The following OC90 variants were observed in gnomAD, a reference collection of about 807,000 sequenced individuals.
OC90 encodes otoconin-90.
OC90 carries 46 observed loss-of-function variants against 47.3 expected under a neutral mutation model. That is an observed-to-expected ratio of 0.97 (90% CI 0.77 to 1.24). The LOEUF (loss-of-function observed/expected upper bound fraction) is 1.24. Ranked by LOEUF, OC90 falls within the 50% of genes most tolerant of loss-of-function variation. The pLI, the probability that OC90 is intolerant of heterozygous loss-of-function variation, is 0.00. For synonymous variants in OC90, 271 were observed against 219.5 expected (o/e 1.23, Z -2.07); for missense variants, 688 against 583.9 (o/e 1.18, Z -1.84).
intron 1 of OC90, among the ~76,000 whole-genome samples, chr8:132,058,497 C>G (rs1823303982): frequency 2.0e-5 from 3 of 152,166 alleles, no homozygotes; most frequent in Admixed American, 2.0e-4. Flanking sequence ...GGCTGCATAG[C>G]CAGTGTCTGA....
At chr8:132,044,751 A>G (rs1253049517) in intron 3 of OC90, among the ~76,000 whole-genome samples, 2 of 152,230 alleles carry the variant, frequency 1.3e-5, no homozygotes, top group East Asian at 3.8e-4. Flanking sequence ...GACAGGAATT[A>G]TGGGTGAACT....
intron 1 of OC90, among the ~76,000 whole-genome samples, chr8:132,058,413 G>A (rs1163462245): frequency 1.3e-5 from 2 of 152,134 alleles, no homozygotes; most frequent in Admixed American, 6.5e-5. Flanking sequence ...GAAGGCTCCC[G>A]AAGCCTCGCC....
At chr8:132,031,438 G>T (rs1822872922) in intron 12 of OC90, among the ~76,000 whole-genome samples, 1 of 152,204 alleles carries the variant, frequency 6.6e-6, no homozygotes, top group Non-Finnish European at 1.5e-5. Flanking sequence ...GTTGAGAAAA[G>T]TTATACTTAA....
chr8:132,044,473 A>T lies in OC90; in HGVS notation c.129T>A (p.Ser43Arg), dbSNP rs202017436. Residue 43 changes from serine (S) to arginine (R), a missense_variant, in exon 4 of 14, where the codon AGT (serine) becomes AGA (arginine). By Grantham distance (110) the Ser-to-Arg change is moderately radical (BLOSUM62 -1). Coordinates refer to ENST00000254627, the MANE Select transcript of OC90 (RefSeq NM_001080399.3). ...CACTTTCCACATTTTTAAACATCCC[A>T]CTGAAGAAAGTGATATCTAAGTGTA... is the stretch of plus-strand genomic sequence containing the variant. ...LPNNINITFFSGMFKNVESVA... is the reference protein window; with the variant it reads ...LPNNINITFFRGMFKNVESVA... The T allele has an allele frequency of 9.0e-6, 14 of 1,556,460 alleles. No individual in the cohort carries two copies. The East Asian group carries it at 2.8e-4, about 31-fold the overall frequency.
In OC90 at chr8:132,038,929, T is replaced by C. The variant is rs1433278454; in HGVS notation, c.586+66A>G. 11 of 1,612,004 alleles carry C rather than the reference T, an allele frequency of 6.8e-6. No individual in the cohort carries two copies. The East Asian group carries it at 8.9e-5, about 13-fold the overall frequency. On this transcript the variant is annotated intron_variant, in intron 7 of 13. Coordinates refer to ENST00000254627, the MANE Select transcript of OC90 (RefSeq NM_001080399.3). ...GGCATCTAGAGACATGAAGCAATAA[T>C]TGATCCCAAACCAGCTGCTGTCCAG...
intron 13 of OC90, among the ~76,000 whole-genome samples, chr8:132,026,372 A>G (rs1004063692): frequency 5.9e-5 from 9 of 152,226 alleles, no homozygotes; most frequent in African/African-American, 2.2e-4. Flanking sequence ...GAGGCCTTCC[A>G]AGCCTCCTAA....
rs765902429 is a variant in OC90, at chr8:132,029,097, C to T, written c.1114G>A (p.Val372Met). The T allele has an allele frequency of 6.2e-7, 1 of 1,613,722 alleles. No individual in the cohort carries two copies. Among genetic ancestry groups the T allele is most frequent in the East Asian group, 2.2e-5 (1 of 44,878 alleles). ...LLERLPWSPV[V>M]CVDHTPKCGG... ...CACTTGGGCGTATGATCCACACACA[C>T]CACCGGTGACCAAGGAAGCCTCTCA... The change falls in exon 13 of 14, where the codon GTG (valine) becomes ATG (methionine). Residue 372 changes from valine (V) to methionine (M), a missense_variant. Transcript: ENST00000254627.
At position 132,034,313 on chromosome 8, in the gene OC90, T is replaced by C. The variant is rs377182597; in HGVS notation, c.733+468A>G. 2.6e-5 allele frequency among the ~76,000 whole-genome samples: 4 copies of C among 152,364 alleles called. No homozygotes were observed. In the East Asian group the frequency reaches 7.7e-4, roughly 29 times the overall value. On this transcript the variant is annotated intron_variant, in intron 10 of 13. Coordinates refer to ENST00000254627, the MANE Select transcript of OC90 (RefSeq NM_001080399.3). ...TATTAATAATACCTCTTTTGGTGTT[T>C]GAATAATCCTTCTAGCTAAATGCCT...
At chr8:132,042,751 A>T (rs1823072895) in intron 4 of OC90, among the ~76,000 whole-genome samples, 1 of 152,208 alleles carries the variant, frequency 6.6e-6, no homozygotes, top group Non-Finnish European at 1.5e-5. Context: ...GGTGATTATT[A>T]AAAAATCAAA....
intron 11 of OC90, among the ~76,000 whole-genome samples, chr8:132,032,378 C>A (rs535821065): frequency 6.6e-6 from 1 of 152,152 alleles, no homozygotes; most frequent in African/African-American, 2.4e-5. Context: ...GTAGACCTGG[C>A]ATCCTGGGAG....
At position 132,032,023 on chromosome 8, in the gene OC90, C is replaced by T; in HGVS notation, c.889G>A (p.Gly297Arg). The T allele has an allele frequency of 6.2e-7, 1 of 1,613,942 alleles. No homozygotes were observed. The highest frequency in any genetic ancestry group is 8.5e-7 in the Non-Finnish European group (1 of 1,179,840). ...ATCACCTGCATGTTGTCCCCACTTC[C>T]CAGGTGCAGGAAGGTGAATCTGTCA... The part of the protein sequence containing the change: ...ACDRFTFLHL[G>R]SGDNMQVMPQ... Residue 297 changes from glycine (G) to arginine (R), a missense_variant, in exon 12 of 14, where the codon GGA (glycine) becomes AGA (arginine). By Grantham distance (125) the Gly-to-Arg change is moderately radical (BLOSUM62 -2). Transcript: ENST00000254627.
chr8:132,049,854 C>T (rs753269479), intron 2 of OC90: 5 of 518,174 alleles, frequency 9.6e-6, no homozygotes, highest in East Asian at 1.1e-4. Context: ...CAGATGATAA[C>T]GTCTTCAGCT....
intron 9 of OC90, among the ~76,000 whole-genome samples, chr8:132,035,213 T>C (rs1822940286): frequency 1.3e-5 from 2 of 152,248 alleles, no homozygotes. Context: ...AGTTGTTTGC[T>C]ATGTGACTCC....
At chr8:132,045,968 A>G (rs1823127612) in intron 2 of OC90, 85 bp from the exon 3 acceptor site, 1 of 751,914 alleles carries the variant, frequency 1.3e-6, no homozygotes, top group Non-Finnish European at 2.3e-6. Flanking sequence ...CGACAGCCAG[A>G]CAAACAATGG....
intron 3 of OC90, among the ~76,000 whole-genome samples, chr8:132,044,870 T>C (rs1006551580): frequency 2.0e-5 from 3 of 152,220 alleles, no homozygotes; most frequent in African/African-American, 7.2e-5. Context: ...AGGTCATTAC[T>C]AGAGATACTG....
chr8:132,053,289 A>C (rs1240605161), intron 2 of OC90, among the ~76,000 whole-genome samples: 1 of 152,076 alleles, frequency 6.6e-6, no homozygotes, highest in African/African-American at 2.4e-5. Context: ...TCCCCCACTA[A>C]ACTAGGGACT....
At chr8:132,039,182 A>T in intron 6 of OC90, 59 bp from the exon 7 acceptor site, 1 of 1,544,254 alleles carries the variant, frequency 6.5e-7, no homozygotes, top group South Asian at 1.2e-5. Flanking sequence ...CCAAGAGGTA[A>T]TGCAAGCTCC....
chr8:132,038,325 T>C (rs1223289802), intron 8 of OC90, among the ~76,000 whole-genome samples: 1 of 152,174 alleles, frequency 6.6e-6, no homozygotes, highest in East Asian at 1.9e-4. Context: ...CTGCCCCTTT[T>C]GCTGCAGGCG....
chr8:132,056,783 T>C (rs1392202919), intron 1 of OC90, among the ~76,000 whole-genome samples: 4 of 152,212 alleles, frequency 2.6e-5, no homozygotes, highest in South Asian at 2.1e-4. Context: ...AGAGACCTCA[T>C]TGAAATGATA....
Sources: allele counts gnomAD v4.1 joint callset (sites outside exome capture counted in the v4.1 genomes callset), GRCh38; gene constraint gnomAD v4.1.1; transcripts MANE v1.5; gene names NCBI Gene and HGNC (gene_info 2026-07-23, HGNC 2026-07-21).